Variants in SEMA5A observed in about 807,000 individuals in gnomAD.
The protein encoded by SEMA5A is semaphorin-5A.
SEMA5A carries 55 observed loss-of-function variants against 135.5 expected under a neutral mutation model. The ratio of observed to expected loss-of-function variants is 0.41; its 90% confidence interval spans 0.33 to 0.51. The LOEUF is 0.51. SEMA5A is among the 20% of genes least tolerant of loss of function. The probability of loss-of-function intolerance (pLI) is 0.37; values close to 1 mark genes in which losing one functional copy is unlikely to be tolerated. For missense variants in SEMA5A, 1,290 were observed against 1,419.9 expected, an observed-to-expected ratio of 0.91 and a Z score of 1.47; for synonymous variants, 580 against 546.5, an observed-to-expected ratio of 1.06 and a Z score of -0.85.
intron 16 of SEMA5A, among the ~76,000 whole-genome samples, chr5:9,085,100 C>A (rs1561137032): frequency 6.6e-6 from 1 of 152,078 alleles, no homozygotes; most frequent in Non-Finnish European, 1.5e-5. Flanking sequence ...TTCTAAGTGG[C>A]AAAGCATTCA....
At chr5:9,183,771 G>A (rs965110807) in intron 11 of SEMA5A, among the ~76,000 whole-genome samples, 4 of 152,294 alleles carry the variant, frequency 2.6e-5, no homozygotes, top group East Asian at 1.9e-4. Context: ...TTTCCACAAC[G>A]TCTTTCCTGA....
rs184843009 is a variant in SEMA5A at position 9,071,877 on chromosome 5, A to G, written c.2074-5231T>C. ...ACTGAAAGCAATTCACATTAGAGAA[A>G]TAACAAAGTAATTGAATTGTGCTTG... On this transcript the variant is annotated intron_variant, in intron 16 of 22. Transcript: ENST00000382496. Among the ~76,000 whole-genome samples the G allele has an allele frequency of 7.0e-4, 107 of 152,364 alleles. 1 individual carries two copies. The highest frequency in any genetic ancestry group is 2.2e-3 in the African/African-American group (92 of 41,592).
chr5:9,135,523 T>C (rs1288165877), intron 13 of SEMA5A, among the ~76,000 whole-genome samples: 1 of 152,006 alleles, frequency 6.6e-6, no homozygotes, highest in African/African-American at 2.4e-5. Context: ...TTTATGAATA[T>C]GTGGTTGAGA....
At chr5:9,462,697 C>T (rs1029350576) in intron 1 of SEMA5A, among the ~76,000 whole-genome samples, 1 of 151,942 alleles carries the variant, frequency 6.6e-6, no homozygotes, top group Non-Finnish European at 1.5e-5. Context: ...GAGCTGGAGG[C>T]CATTATCCTT....
At chr5:9,370,190 A>G (rs1024530293) in intron 3 of SEMA5A, among the ~76,000 whole-genome samples, 6 of 152,232 alleles carry the variant, frequency 3.9e-5, no homozygotes, top group African/African-American at 1.4e-4. Context: ...AATCAAACAT[A>G]CAAATGAGAA....
At chr5:9,445,055 G>C (rs1021498803) in intron 1 of SEMA5A, among the ~76,000 whole-genome samples, 1 of 152,184 alleles carries the variant, frequency 6.6e-6, no homozygotes, top group Non-Finnish European at 1.5e-5. Context: ...CAATCAGATC[G>C]TTATAGATAT....
At chr5:9,341,540 C>T (rs888558979) in intron 3 of SEMA5A, among the ~76,000 whole-genome samples, 1 of 151,588 alleles carries the variant, frequency 6.6e-6, no homozygotes, top group African/African-American at 2.4e-5. Context: ...CATTAAGATG[C>T]TCATTGCCCC....
intron 3 of SEMA5A, 71 bp downstream of exon 3, chr5:9,379,752 A>G: frequency 6.4e-7 from 1 of 1,562,760 alleles, no homozygotes; most frequent in South Asian, 1.2e-5. Flanking sequence ...ATGCTCTATT[A>G]TCTTCTATCA....
intron 3 of SEMA5A, among the ~76,000 whole-genome samples, chr5:9,359,780 A>G (rs1009320839): frequency 6.6e-6 from 1 of 152,202 alleles, no homozygotes; most frequent in Non-Finnish European, 1.5e-5. Context: ...AGGAAAAACA[A>G]AGAAACAAAA....
At chr5:9,437,495 T>C (rs914339712) in intron 2 of SEMA5A, among the ~76,000 whole-genome samples, 1 of 152,088 alleles carries the variant, frequency 6.6e-6, no homozygotes, top group Admixed American at 6.5e-5. Flanking sequence ...TAGCTGGGAT[T>C]ATAGGCACGC....
At chr5:9,215,479 A>G (rs1746566628) in intron 8 of SEMA5A, among the ~76,000 whole-genome samples, 1 of 152,192 alleles carries the variant, frequency 6.6e-6, no homozygotes, top group African/African-American at 2.4e-5. Context: ...CCTTATAAGG[A>G]AAGGCTAATT....
chr5:9,177,735 C>A (rs556522187), intron 11 of SEMA5A, among the ~76,000 whole-genome samples: 1 of 152,280 alleles, frequency 6.6e-6, no homozygotes, highest in East Asian at 1.9e-4. Flanking sequence ...TCCTGCATCT[C>A]ACAGGTTACT....
chr5:9,132,667 T>C (rs557260937), intron 13 of SEMA5A, among the ~76,000 whole-genome samples: 2 of 148,584 alleles, frequency 1.3e-5, no homozygotes, highest in Non-Finnish European at 3.0e-5. Flanking sequence ...AACACTAACT[T>C]TGGGAAACTC....
At chr5:9,135,580 A>G (rs3777258) in intron 13 of SEMA5A, among the ~76,000 whole-genome samples, 99,762 of 151,992 alleles carry the variant, frequency 0.66, 35,674 homozygotes, top group Non-Finnish European at 0.83. Flanking sequence ...TGACTGTTGC[A>G]ACGCCTTCGC....
At position 9,379,871 on chromosome 5, in the gene SEMA5A, C is replaced by G; in HGVS notation, c.76G>C (p.Gly26Arg). 1 of 1,614,016 alleles carries G rather than the reference C, an allele frequency of 6.2e-7. No individual in the cohort carries two copies. The highest frequency in any genetic ancestry group is 1.1e-5 in the South Asian group (1 of 91,058). The change falls in exon 3 of 23, where the codon GGT becomes CGT. Residue 26 changes from glycine (G) to arginine (R), a missense_variant. Transcript: ENST00000382496. ...TCGGTTCTCTGGCACTGAGTCGTAC[C>G]CTGGGCCTCTGGGTGGGCGAGTCTC... Reference protein sequence around the residue: ...LWRLAHPEAQGTTQCQRTEHP... With the variant: ...LWRLAHPEAQRTTQCQRTEHP...
chr5:9,318,344 A>C (rs1196138701), intron 5 of SEMA5A, 28 bp downstream of exon 5: 1 of 1,601,862 alleles, frequency 6.2e-7, no homozygotes, highest in African/African-American at 1.3e-5. Context: ...TGGAAAATGA[A>C]AGCTTGAGAA....
intron 2 of SEMA5A, among the ~76,000 whole-genome samples, chr5:9,427,883 CA>C (rs1757713950): frequency 6.6e-6 from 1 of 152,106 alleles, no homozygotes; most frequent in Non-Finnish European, 1.5e-5. Context: ...ATATAGATTT[CA>C]GAGATTTTAA....
intron 2 of SEMA5A, among the ~76,000 whole-genome samples, chr5:9,435,883 A>G (rs1015758425): frequency 1.1e-4 from 17 of 152,208 alleles, no homozygotes; most frequent in Admixed American, 5.2e-4. Flanking sequence ...TACTGTTTGA[A>G]AAACTGATTT....
chr5:9,203,812 T>G (rs1806076), intron 8 of SEMA5A, among the ~76,000 whole-genome samples: 7,003 of 152,174 alleles, frequency 0.046, 334 homozygotes, highest in East Asian at 0.19. Flanking sequence ...TCACCCTAAA[T>G]GACTGTTTAA....
Sources: allele counts gnomAD v4.1 joint callset (sites outside exome capture counted in the v4.1 genomes callset), GRCh38; gene constraint gnomAD v4.1.1; transcripts MANE v1.5; gene names NCBI Gene and HGNC (gene_info 2026-07-23, HGNC 2026-07-21).